The following RBFOX1 variants were observed in gnomAD, a reference collection of about 807,000 sequenced individuals.
RBFOX1 encodes the protein RNA binding fox-1 homolog 1, also known as RNA binding protein fox-1 homolog 1.
RBFOX1 carries 8 observed loss-of-function variants against 57.7 expected under a neutral mutation model. That is an observed-to-expected ratio of 0.14 (90% confidence interval 0.08 to 0.25). The LOEUF (loss-of-function observed/expected upper bound fraction) is 0.25, where lower values mean the gene tolerates loss of function less well. Among genes scored for constraint, RBFOX1 ranks in the 10% least tolerant of loss-of-function variants. RBFOX1 has a pLI of 1.00. For missense variants in RBFOX1, 611 were observed against 548.5 expected, an observed-to-expected ratio of 1.11 and a Z score of -1.14; for synonymous variants, 326 against 222.4, an observed-to-expected ratio of 1.47 and a Z score of -4.15.
At chr16:6,740,353 A>G (rs2071687547) in intron 3 of RBFOX1, among the ~76,000 whole-genome samples, 1 of 152,224 alleles carries the variant, frequency 6.6e-6, no homozygotes, top group African/African-American at 2.4e-5. Context: ...CAGGAACAAG[A>G]CACCACTGCT....
intron 2 of RBFOX1, among the ~76,000 whole-genome samples, chr16:5,531,724 T>G (rs746268930): frequency 1.3e-5 from 2 of 152,138 alleles, no homozygotes; most frequent in Non-Finnish European, 2.9e-5. Context: ...AAGAGCCCAT[T>G]AAGTATTTAA....
At chr16:7,089,407 TAAAA>T (rs56754682) in intron 4 of RBFOX1, among the ~76,000 whole-genome samples, 26,651 of 151,770 alleles carry the variant, frequency 0.18, 3,180 homozygotes, top group African/African-American at 0.34. Context: ...TTTTAAGCAT[TAAAA>T]AAAAGTAGTC....
intron 10 of RBFOX1, among the ~76,000 whole-genome samples, chr16:7,630,293 T>G (rs1041498533): frequency 5.3e-5 from 8 of 152,058 alleles, no homozygotes; most frequent in Admixed American, 3.9e-4. Flanking sequence ...ATTTCTCAAG[T>G]TCCCTTTTCA....
chr16:6,582,370 CAATT>C (rs542136692), intron 2 of RBFOX1, among the ~76,000 whole-genome samples: 51 of 151,908 alleles, frequency 3.4e-4, no homozygotes, highest in African/African-American at 7.5e-4. Context: ...CTAAATTTAA[CAATT>C]AATGATGCTG....
At chr16:5,856,153 C>T (rs1412918387) in intron 3 of RBFOX1, among the ~76,000 whole-genome samples, 1 of 31,402 alleles carries the variant, frequency 3.2e-5, no homozygotes, top group Non-Finnish European at 4.7e-5. Flanking sequence ...CTTTATGGTT[C>T]TCTCTCTCTC....
At chr16:6,701,135 A>ATGTGTGTG (rs111800744) in intron 3 of RBFOX1, among the ~76,000 whole-genome samples, 23 of 149,114 alleles carry the variant, frequency 1.5e-4, no homozygotes, top group African/African-American at 5.4e-4. Context: ...CTGTGTGTGT[A>ATGTGTGTG]TGTGTGTGTG....
At chr16:5,937,298 C>T (rs2059186478) in intron 4 of RBFOX1, among the ~76,000 whole-genome samples, 1 of 152,096 alleles carries the variant, frequency 6.6e-6, no homozygotes, top group Non-Finnish European at 1.5e-5. Context: ...TTGGCAAACA[C>T]TGGAAAGAGA....
intron 3 of RBFOX1, among the ~76,000 whole-genome samples, chr16:5,662,651 C>G (rs1048495287): frequency 6.6e-6 from 1 of 152,090 alleles, no homozygotes; most frequent in Non-Finnish European, 1.5e-5. Flanking sequence ...TTAGTGAAAA[C>G]TTAAAACACA....
At chr16:6,490,639 A>T (rs2095611278) in intron 2 of RBFOX1, among the ~76,000 whole-genome samples, 1 of 152,100 alleles carries the variant, frequency 6.6e-6, no homozygotes, top group African/African-American at 2.4e-5. Flanking sequence ...CAGGACACAG[A>T]TTTTTTTATA....
chr16:6,877,125 C>A (rs928541777), intron 3 of RBFOX1, among the ~76,000 whole-genome samples: 3 of 152,252 alleles, frequency 2.0e-5, no homozygotes, highest in African/African-American at 7.2e-5. Flanking sequence ...AGAGAAATAA[C>A]ACCAAACAAC....
At chr16:6,950,902 C>A (rs988638525) in intron 3 of RBFOX1, among the ~76,000 whole-genome samples, 4 of 151,344 alleles carry the variant, frequency 2.6e-5, no homozygotes, top group Non-Finnish European at 5.9e-5. Context: ...TTCACTCTTT[C>A]TTTCTTTCTC....
intron 1 of RBFOX1, among the ~76,000 whole-genome samples, chr16:5,354,382 A>G (rs1403946511): frequency 6.6e-6 from 1 of 152,198 alleles, no homozygotes; most frequent in Non-Finnish European, 1.5e-5. Flanking sequence ...GACTTGAATT[A>G]CAACCCAGAC....
intron 3 of RBFOX1, among the ~76,000 whole-genome samples, chr16:7,033,197 G>A (rs1326204677): frequency 6.6e-6 from 1 of 152,074 alleles, no homozygotes; most frequent in Non-Finnish European, 1.5e-5. Flanking sequence ...ATTATAGGGA[G>A]ACCACCCGTG....
At chr16:6,970,771 T>G (rs1419362991) in intron 3 of RBFOX1, among the ~76,000 whole-genome samples, 1 of 152,202 alleles carries the variant, frequency 6.6e-6, no homozygotes, top group Admixed American at 6.5e-5. Context: ...ATAGCCCCCT[T>G]TAACCTGAAT....
At chr16:5,907,102 A>C (rs2058477786) in intron 4 of RBFOX1, among the ~76,000 whole-genome samples, 3 of 152,060 alleles carry the variant, frequency 2.0e-5, no homozygotes, top group Non-Finnish European at 4.4e-5. Context: ...TGGGGGTTGG[A>C]GGGGTGTACG....
intron 13 of RBFOX1, among the ~76,000 whole-genome samples, chr16:7,669,541 C>T (rs550325313): frequency 2.2e-4 from 34 of 152,152 alleles, no homozygotes; most frequent in African/African-American, 6.3e-4. Context: ...TAACATTAGA[C>T]GCAACCATGA....
intron 4 of RBFOX1, among the ~76,000 whole-genome samples, chr16:7,056,365 A>G (rs2052267926): frequency 6.6e-6 from 1 of 152,130 alleles, no homozygotes. Flanking sequence ...CTTGCAATTC[A>G]CATTATTGGC....
chr16:6,021,819 C>G (rs771540279), intron 1 of RBFOX1, among the ~76,000 whole-genome samples: 1 of 152,148 alleles, frequency 6.6e-6, no homozygotes, highest in African/African-American at 2.4e-5. Context: ...GAGTTTCAGT[C>G]GTAGTTCTGT....
intron 12 of RBFOX1, among the ~76,000 whole-genome samples, chr16:7,661,511 C>G (rs533206285): frequency 1.3e-5 from 2 of 152,324 alleles, no homozygotes; most frequent in African/African-American, 2.4e-5. Flanking sequence ...TGCTTAGCCT[C>G]TCTCGTCTCT....
Sources: allele counts gnomAD v4.1 joint callset (sites outside exome capture counted in the v4.1 genomes callset), GRCh38; gene constraint gnomAD v4.1.1; transcripts MANE v1.5; gene names NCBI Gene and HGNC (gene_info 2026-07-23, HGNC 2026-07-21).